RABGEF1: variants seen among roughly 807,000 people sequenced by gnomAD.
RABGEF1 encodes RAB guanine nucleotide exchange factor 1, also known as rab5 GDP/GTP exchange factor.
In RABGEF1, 26 loss-of-function variants were observed where a neutral mutation model predicts 57.3. The ratio of observed to expected loss-of-function variants is 0.45; its 90% CI spans 0.33 to 0.63. The LOEUF is 0.63. Among genes scored for constraint, RABGEF1 ranks in the 20% least tolerant of loss-of-function variants. The pLI is 0.02. For synonymous variants in RABGEF1, 185 were observed against 210.7 expected, an observed-to-expected ratio of 0.88 and a Z score of 1.06; for missense variants, 464 against 607.6, an observed-to-expected ratio of 0.76 and a Z score of 2.48.
At chr7:66,781,046 G>T (rs532478789) in intron 3 of RABGEF1, among the ~76,000 whole-genome samples, 1 of 151,856 alleles carries the variant, frequency 6.6e-6, no homozygotes, top group African/African-American at 2.4e-5. Context: ...TGTGATTTTT[G>T]ATAAGGGAAG....
chr7:66,799,313 C>G lies in RABGEF1; in HGVS notation c.729-10C>G. ...CTTGGAGCTCTTGTTTACTGTCTCT[C>G]TCTCTTTAGAGCCCTGCGCTGGGTT... On this transcript the variant is annotated splice_polypyrimidine_tract_variant and intron_variant, in intron 6 of 8. Transcript: ENST00000284957. 1 of 1,582,292 alleles carries G rather than the reference C, an allele frequency of 6.3e-7. No individual in the cohort carries two copies. The highest frequency in any genetic ancestry group is 1.3e-5 in the African/African-American group (1 of 74,282).
intron 1 of RABGEF1, among the ~76,000 whole-genome samples, chr7:66,742,402 A>G (rs1451014969): frequency 6.6e-6 from 1 of 152,158 alleles, no homozygotes; most frequent in Non-Finnish European, 1.5e-5. Context: ...CTTTCAAAAC[A>G]GTGTGGTAAG....
At chr7:66,745,754 G>A (rs1421461548) in intron 1 of RABGEF1, among the ~76,000 whole-genome samples, 1 of 145,840 alleles carries the variant, frequency 6.9e-6, no homozygotes, top group East Asian at 2.1e-4. Flanking sequence ...GGGCAACAGA[G>A]TGAGACTCTA....
rs1186357102 is a variant in RABGEF1 at position 66,764,608 on chromosome 7, T to G, written c.-17-7275T>G. On this transcript the variant is annotated intron_variant, in intron 1 of 8. Coordinates refer to ENST00000284957, the MANE Select transcript of RABGEF1 (RefSeq NM_014504.3). ...TAGCTTTTACATTTAGGTCTTTGATTGATTCTGAGTTAGTTTTTGTACGTG... is the reference window on the plus strand; with the variant it reads ...TAGCTTTTACATTTAGGTCTTTGATGGATTCTGAGTTAGTTTTTGTACGTG... 2.0e-5 allele frequency among the ~76,000 whole-genome samples: 3 copies of G among 152,248 alleles called. No individual in the cohort carries two copies. The East Asian group carries it at 5.8e-4, about 29-fold the overall frequency.
At chr7:66,802,660 C>T (rs879741651) in intron 7 of RABGEF1, among the ~76,000 whole-genome samples, 1 of 152,150 alleles carries the variant, frequency 6.6e-6, no homozygotes, top group Admixed American at 6.6e-5. Context: ...CAAAGAGTTC[C>T]ACGAAGAATT....
At chr7:66,737,444 G>T (rs1475924420), upstream of RABGEF1, among the ~76,000 whole-genome samples, 4 of 132,260 alleles carry the variant, frequency 3.0e-5, no homozygotes. Flanking sequence ...AGACTGGGTA[G>T]GGGGGGGCAG....
chr7:66,803,835 G>A (rs1269535327), intron 7 of RABGEF1, among the ~76,000 whole-genome samples: 1 of 151,486 alleles, frequency 6.6e-6, no homozygotes, highest in East Asian at 1.9e-4. Flanking sequence ...GTTGCAGTGA[G>A]CCGAGATCGT....
At chr7:66,791,322 T>C (rs1812601362) in intron 4 of RABGEF1, among the ~76,000 whole-genome samples, 2 of 152,236 alleles carry the variant, frequency 1.3e-5, no homozygotes, top group Non-Finnish European at 2.9e-5. Context: ...TTCTACTAGT[T>C]ACTAATGACC....
the RABGEF1 span, chr7:66,667,433 G>C: frequency 6.6e-6 from 1 of 152,356 alleles, no homozygotes; most frequent in Admixed American, 6.5e-5. Context: ...AAAGTCCAGA[G>C]CCTGGGCCAT....
intron 2 of RABGEF1, among the ~76,000 whole-genome samples, chr7:66,735,713 T>C (rs1366417454): frequency 1.3e-5 from 2 of 152,186 alleles, no homozygotes; most frequent in African/African-American, 4.8e-5. Context: ...GCTATGGCCA[T>C]GTGAAGACGT....
chr7:66,784,327 C>T (rs528171564), intron 4 of RABGEF1, among the ~76,000 whole-genome samples: 31 of 152,080 alleles, frequency 2.0e-4, no homozygotes, highest in Admixed American at 2.0e-3. Context: ...AGTTTCAGTC[C>T]CTTTATTTTA....
intron 7 of RABGEF1, among the ~76,000 whole-genome samples, 172 bp downstream of exon 7, chr7:66,799,586 G>A (rs1450163946): frequency 6.6e-6 from 1 of 152,130 alleles, no homozygotes; most frequent in Non-Finnish European, 1.5e-5. Context: ...AGAAGAGCAG[G>A]TTCTCTTTTA....
chr7:66,704,307 A>T (rs1312986884), intron 1 of RABGEF1, among the ~76,000 whole-genome samples: 1 of 152,170 alleles, frequency 6.6e-6, no homozygotes, highest in East Asian at 1.9e-4. Context: ...TTTTTAAAAA[A>T]ATTTCAGAGT....
chr7:66,706,906 C>T (rs1034817442), intron 1 of RABGEF1, among the ~76,000 whole-genome samples: 3 of 150,664 alleles, frequency 2.0e-5, no homozygotes, highest in Non-Finnish European at 3.0e-5. Flanking sequence ...CTCAGCCTCC[C>T]GAGTAGCTGG....
At chr7:66,682,572 T>G (rs1468057727) in intron 1 of RABGEF1, among the ~76,000 whole-genome samples, 6 of 152,040 alleles carry the variant, frequency 3.9e-5, no homozygotes, top group African/African-American at 1.4e-4. Flanking sequence ...GCGGCTCCCC[T>G]CGGTCCGGCT....
intron 2 of RABGEF1, among the ~76,000 whole-genome samples, chr7:66,735,386 C>A (rs1369030680): frequency 3.3e-5 from 5 of 152,158 alleles, no homozygotes; most frequent in Non-Finnish European, 5.9e-5. Context: ...AGATTATGGG[C>A]TTTGAAGTCA....
At chr7:66,686,365 C>T (rs2659916) in intron 1 of RABGEF1, among the ~76,000 whole-genome samples, 5 of 151,782 alleles carry the variant, frequency 3.3e-5, no homozygotes, top group African/African-American at 7.3e-5. Context: ...CCAGTGCTTT[C>T]GGAGGCCAAA....
the RABGEF1 span, among the ~76,000 whole-genome samples, chr7:66,668,552 G>A: frequency 1.3e-5 from 2 of 152,204 alleles, no homozygotes; most frequent in Non-Finnish European, 2.9e-5. Flanking sequence ...TGGAGAGGGG[G>A]GGATTGGCAT....
chr7:66,698,598 G>A (rs1792721168), intron 1 of RABGEF1, among the ~76,000 whole-genome samples: 1 of 152,206 alleles, frequency 6.6e-6, no homozygotes, highest in Non-Finnish European at 1.5e-5. Flanking sequence ...CAGGGCAGAG[G>A]CAGCAGTTTA....
Sources: gnomAD v4.1 joint callset for allele counts (sites outside exome capture counted in the v4.1 genomes callset) on GRCh38, gnomAD v4.1.1 for gene constraint, MANE v1.5 for transcripts, NCBI Gene and HGNC (gene_info 2026-07-23, HGNC 2026-07-21) for gene names.